The following NUP205 variants were observed in gnomAD, a reference collection of about 807,000 sequenced individuals.
NUP205 encodes nuclear pore complex protein Nup205.
A neutral mutation model predicts 253.8 loss-of-function variants in NUP205; 76 were observed. The observed-to-expected ratio is 0.30, with a 90% CI of 0.25 to 0.36. The LOEUF (loss-of-function observed/expected upper bound fraction) is 0.36, where lower values mean the gene tolerates loss of function less well. NUP205 is among the 10% of genes least tolerant of loss of function. The pLI is 1.00. For synonymous variants in NUP205, 832 were observed against 850.1 expected (o/e 0.98, Z 0.37); for missense variants, 2,162 against 2,425.5 (o/e 0.89, Z 2.28).
At chr7:135,604,544 T>C (rs1165488046) in intron 19 of NUP205, 84 bp downstream of exon 19, 1 of 1,326,596 alleles carries the variant, frequency 7.5e-7, no homozygotes. Flanking sequence ...TATGGAGGAA[T>C]CATATTCTTG....
At chr7:135,560,076 T>C (rs1290386774) in intron 1 of NUP205, among the ~76,000 whole-genome samples, 1 of 152,110 alleles carries the variant, frequency 6.6e-6, no homozygotes, top group East Asian at 1.9e-4. Context: ...GCCAGGCTGG[T>C]CTCGAGCTCC....
intron 1 of NUP205, chr7:135,558,292 T>C: frequency 2.5e-6 from 1 of 399,442 alleles, no homozygotes; most frequent in Non-Finnish European, 4.7e-6. Flanking sequence ...GTGGTCCCGA[T>C]TTCGCTGGAA....
At chr7:135,628,275 A>T (rs1043773886) in intron 34 of NUP205, among the ~76,000 whole-genome samples, 164 bp downstream of exon 34, 1 of 152,034 alleles carries the variant, frequency 6.6e-6, no homozygotes, top group African/African-American at 2.4e-5. Flanking sequence ...TCTTAACTAC[A>T]TTGGTCCATT....
In NUP205 at chr7:135,597,976, TTTC is replaced by T. The variant is rs1793882158; in HGVS notation, c.2065-19_2065-17del. ...TAGCTAATAGTTTTTATTACCAAGT[TTTC>T]TTTCTTTTTCTTTGGAAGGTTGAAC... On this transcript the variant is annotated intron_variant, in intron 14 of 42. Coordinates refer to ENST00000285968, the MANE Select transcript of NUP205 (RefSeq NM_015135.3). The T allele has an allele frequency of 6.3e-7, 1 of 1,598,788 alleles. No individual in the cohort carries two copies. Among genetic ancestry groups the T allele is most frequent in the African/African-American group, 1.3e-5 (1 of 74,370 alleles).
chr7:135,601,347 G>C, intron 16 of NUP205, 23 bp from the exon 17 acceptor site: 1 of 1,597,106 alleles, frequency 6.3e-7, no homozygotes, highest in Non-Finnish European at 8.5e-7. Flanking sequence ...ATCATCTCTT[G>C]GAATATGTTA....
chr7:135,583,022 G>A lies in NUP205; in HGVS notation c.1043-1810G>A, dbSNP rs537868310. 2.9e-4 allele frequency among the ~76,000 whole-genome samples: 44 copies of A among 152,172 alleles called. No homozygotes were observed. In the Middle Eastern group the frequency reaches 0.017, roughly 59 times the overall value. On this transcript the variant is annotated intron_variant, in intron 7 of 42. Transcript: ENST00000285968. Reference sequence around the variant, plus strand: ...GGAGAATCTCTTGAACCTGGGAGGCGGAGGTTGCAGTGAGTTGAGATCGTG... The same window carrying A: ...GGAGAATCTCTTGAACCTGGGAGGCAGAGGTTGCAGTGAGTTGAGATCGTG...
rs751457091 is a variant in NUP205 at position 135,638,611 on chromosome 7, A to G, written c.5320A>G (p.Thr1774Ala). The G allele has an allele frequency of 1.2e-6, 2 of 1,613,864 alleles. No homozygotes were observed. The highest frequency in any genetic ancestry group is 1.3e-5 in the African/African-American group (1 of 75,010). ...GTCACTCATGTTACAGAGTTCCCCT[A>G]CCTTCCAGCATGCTGTGTGTCTCTT... ...CQSLMLQSSP[T>A]FQHAVCLFTP... is the part of the protein sequence containing the mutation. Residue 1774 changes from threonine to alanine, a missense_variant, in exon 38 of 43, where the codon ACC becomes GCC. By Grantham distance (58) the Thr-to-Ala change is moderately conservative (BLOSUM62 0). Around this residue, in one of 5 missense-constraint regions of NUP205, gnomAD observed 1,144 missense variants for 1,280.9 expected, o/e 0.89. Coordinates refer to ENST00000285968, the MANE Select transcript of NUP205 (RefSeq NM_015135.3).
At chr7:135,648,281 A>G (rs985967013) in intron 42 of NUP205, 123 bp from the exon 43 acceptor site, 7 of 790,558 alleles carry the variant, frequency 8.9e-6, no homozygotes, top group Admixed American at 8.2e-5. Flanking sequence ...CAAAAATTCA[A>G]AAGTATTTAC....
At position 135,646,154 on chromosome 7, in the gene NUP205, C is replaced by G. The variant is rs557946010; in HGVS notation, c.5813-4C>G. 2.9e-5 allele frequency: 47 copies of G among 1,609,770 alleles called. No individual in the cohort carries two copies. The East Asian group carries it at 9.1e-4, about 31-fold the overall frequency. On this transcript the variant is annotated splice_polypyrimidine_tract_variant and splice_region_variant and intron_variant, in intron 41 of 42. Coordinates refer to ENST00000285968, the MANE Select transcript of NUP205 (RefSeq NM_015135.3). Reference sequence around the variant, plus strand: ...CCGGTATGACTCTGTTTTTTTATCTCTAGATTCCTTCGCCTCAGAAACCAA... The same window carrying G: ...CCGGTATGACTCTGTTTTTTTATCTGTAGATTCCTTCGCCTCAGAAACCAA...
intron 1 of NUP205, among the ~76,000 whole-genome samples, chr7:135,560,159 AT>A (rs537276545): frequency 6.6e-6 from 1 of 151,144 alleles, no homozygotes; most frequent in Non-Finnish European, 1.5e-5. Flanking sequence ...CGCCTGGCCA[AT>A]TTTTTTTGTA....
Position 135,559,895 on chromosome 7 carries a change from G to A in NUP205, c.28+1923G>A, listed in dbSNP as rs556583835. ...TTTTTTTGAGATGGAGTCTCACTCTGTTGCCCGGGCTGGAGTGCAGTGGCA... is the reference window on the plus strand; with the variant it reads ...TTTTTTTGAGATGGAGTCTCACTCTATTGCCCGGGCTGGAGTGCAGTGGCA... On this transcript the variant is annotated intron_variant, in intron 1 of 42. Coordinates refer to ENST00000285968, the MANE Select transcript of NUP205 (RefSeq NM_015135.3). Among the ~76,000 whole-genome samples the A allele has an allele frequency of 2.7e-5, 4 of 149,292 alleles. No homozygotes were observed. The East Asian group carries it at 8.0e-4, about 30-fold the overall frequency.
intron 36 of NUP205, among the ~76,000 whole-genome samples, chr7:135,637,160 A>C (rs756678577): frequency 1.3e-5 from 2 of 152,220 alleles, no homozygotes; most frequent in Non-Finnish European, 2.9e-5. Context: ...AAGCACTTTA[A>C]ATATAATACC....
In NUP205 at chr7:135,598,007, A is replaced by G; in HGVS notation, c.2074A>G (p.Asn692Asp). ...TCTTTTTCTTTGGAAGGTTGAACTAAATGAAATAGAATCCCGGTGTGAAGA... is the reference window on the plus strand; with the variant it reads ...TCTTTTTCTTTGGAAGGTTGAACTAGATGAAATAGAATCCCGGTGTGAAGA... ...RQAIGIEVEL[N>D]EIESRCEEYP... Residue 692 changes from asparagine to aspartate, a missense_variant, in exon 15 of 43, where the codon AAT (asparagine) becomes GAT (aspartate). Transcript: ENST00000285968. 1 of 1,613,998 alleles carries G rather than the reference A, an allele frequency of 6.2e-7. No individual in the cohort carries two copies. Among genetic ancestry groups the G allele is most frequent in the Non-Finnish European group, 8.5e-7 (1 of 1,179,900 alleles).
chr7:135,592,394 G>A (rs1806652749), intron 11 of NUP205, among the ~76,000 whole-genome samples: 2 of 152,202 alleles, frequency 1.3e-5, no homozygotes, highest in South Asian at 4.1e-4. Flanking sequence ...GAACTCTCCT[G>A]GATGTGAAGT....
intron 22 of NUP205, chr7:135,613,602 T>C (rs1794290233): frequency 6.6e-6 from 1 of 151,614 alleles, no homozygotes; most frequent in Admixed American, 6.6e-5. Context: ...AGTGTCATGA[T>C]CTTGGCTCAC....
At chr7:135,600,500 C>T (rs149907468) in intron 15 of NUP205, among the ~76,000 whole-genome samples, 8 of 152,230 alleles carry the variant, frequency 5.3e-5, no homozygotes, top group African/African-American at 1.9e-4. Flanking sequence ...TCTTTGCAGG[C>T]AGGCTTGTTA....
rs1024990090 is a variant in NUP205 at position 135,613,164 on chromosome 7, A to G, written c.3196-995A>G. On this transcript the variant is annotated intron_variant, in intron 22 of 42. Transcript: ENST00000285968. ...TGATTTTTTTTTTTAATTCCTGAAA[A>G]CAGATGGACATTTTTTATTATGGGC... 2.6e-5 allele frequency among the ~76,000 whole-genome samples: 4 copies of G among 151,892 alleles called. No individual in the cohort carries two copies. In the East Asian group the frequency reaches 7.7e-4, roughly 29 times the overall value.
chr7:135,578,896 C>A lies in NUP205; in HGVS notation c.1023C>A (p.Ser341=), dbSNP rs752041992. 1 of 1,600,194 alleles carries A rather than the reference C, an allele frequency of 6.2e-7. No individual in the cohort carries two copies. The highest frequency in any genetic ancestry group is 1.8e-5 in the Admixed American group (1 of 55,650). The change falls in exon 7 of 43, where the codon TCC becomes TCA. Residue 341 remains serine, a synonymous_variant. Transcript: ENST00000285968. ...GGGCGCTGGCATTGAGGGGAATATC[C>A]CAGCTACCTGATGTGACAGGTGAAT... ...LAWALALRGI[S]QLPDVTALAE...
intron 17 of NUP205, 114 bp from the exon 18 acceptor site, chr7:135,602,691 C>A: frequency 1.2e-6 from 1 of 823,054 alleles, no homozygotes. Flanking sequence ...AAACAAGAGT[C>A]TGAATCTCTA....
Sources: allele counts gnomAD v4.1 joint callset (sites outside exome capture counted in the v4.1 genomes callset), GRCh38; gene constraint gnomAD v4.1.1; regional missense constraint gnomAD v4.1.1; transcripts MANE v1.5; gene names NCBI Gene and HGNC (gene_info 2026-07-23, HGNC 2026-07-21).